Variants in PRSS36 observed in about 807,000 individuals in gnomAD.
The protein encoded by PRSS36 is serine protease 36.
PRSS36 carries 90 observed loss-of-function variants against 94.3 expected under a neutral mutation model. That is an observed-to-expected ratio of 0.95 (90% confidence interval 0.80 to 1.14). The LOEUF is 1.14. Ranked by LOEUF, PRSS36 falls within the 50% of genes most tolerant of loss-of-function variation. The probability of loss-of-function intolerance (pLI) is 0.00; values close to 1 mark genes in which losing one functional copy is unlikely to be tolerated. For missense variants in PRSS36, 1,158 were observed against 1,135.0 expected (o/e 1.02, Z -0.29); for synonymous variants, 500 against 489.6 (o/e 1.02, Z -0.28).
Position 31,143,836 on chromosome 16 carries a change from C to G in PRSS36, c.722G>C (p.Gly241Ala). 6.2e-7 allele frequency: 1 copy of G among 1,613,234 alleles called. No individual in the cohort carries two copies. Among genetic ancestry groups the G allele is most frequent in the South Asian group, 1.1e-5 (1 of 91,092 alleles). ...ACAGACCAGGGGCCCCCCAGAGTCA[C>G]CCTAGTGGCAGATGACTGCATGTCA... The part of the protein sequence containing the change: ...YPEGRRDTCQ[G>A]DSGGPLVCEE... Residue 241 changes from glycine (G) to alanine (A), a missense_variant and splice_region_variant, in exon 7 of 15, where the codon GGT becomes GCT. Gly to Ala is a moderately conservative substitution (Grantham distance 60). Coordinates refer to ENST00000268281, the MANE Select transcript of PRSS36 (RefSeq NM_173502.5).
At chr16:31,146,952 A>G (rs1196604302) in intron 5 of PRSS36, among the ~76,000 whole-genome samples, 1 of 152,210 alleles carries the variant, frequency 6.6e-6, no homozygotes, top group Non-Finnish European at 1.5e-5. Flanking sequence ...GTTGCACTCC[A>G]GCCTGGGCAA....
rs780465705 is a variant in PRSS36 at position 31,141,491 on chromosome 16, C to T, written c.1879G>A (p.Ala627Thr). Residue 627 changes from alanine (A) to threonine (T), a missense_variant, in exon 12 of 15, where the codon GCA becomes ACA. Coordinates refer to ENST00000268281, the MANE Select transcript of PRSS36 (RefSeq NM_173502.5). The stretch of plus-strand genomic sequence containing the variant: ...CACCTGAGGACACAGTGAGTGGCTG[C>T]CAGGACCCAGCCTGGGGCCAGGAGG... Reference protein sequence around the residue: ...GILLAPGWVLAATHCVLRPGS... With the variant: ...GILLAPGWVLTATHCVLRPGS... The T allele has an allele frequency of 6.2e-7, 1 of 1,612,338 alleles. No individual in the cohort carries two copies.
intron 5 of PRSS36, among the ~76,000 whole-genome samples, chr16:31,147,596 G>A (rs1175175840): frequency 6.6e-6 from 1 of 152,126 alleles, no homozygotes; most frequent in Non-Finnish European, 1.5e-5. Flanking sequence ...AACATAATGC[G>A]TGCTTATTTA....
intron 5 of PRSS36, among the ~76,000 whole-genome samples, chr16:31,147,324 C>G (rs1463459109): frequency 2.0e-5 from 3 of 152,266 alleles, no homozygotes; most frequent in Non-Finnish European, 4.4e-5. Context: ...TCTCTGGGTG[C>G]CCATTGTTAG....
chr16:31,149,710 G>A lies in PRSS36; in HGVS notation c.59C>T (p.Ala20Val). The A allele has an allele frequency of 6.2e-7, 1 of 1,614,174 alleles. No individual in the cohort carries two copies. The highest frequency in any genetic ancestry group is 2.2e-5 in the East Asian group (1 of 44,890). Residue 20 changes from alanine (A) to valine (V), a missense_variant, in exon 2 of 15, where the codon GCC (alanine) becomes GTC (valine). By Grantham distance (64) the Ala-to-Val change is moderately conservative (BLOSUM62 0). Transcript: ENST00000268281. The stretch of plus-strand genomic sequence containing the variant: ...GGCTACCTTACCTGAGTCCTGGAAG[G>A]CTCCTGGGATGGGACTGATGACTGG... ...VMLVISPIPG[A>V]FQDSALSPTQ...
In PRSS36 at chr16:31,142,507, C is replaced by T; in HGVS notation, c.1495G>A (p.Glu499Lys). 1 of 1,496,506 alleles carries T rather than the reference C, an allele frequency of 6.7e-7. No individual in the cohort carries two copies. The allele number at this position is 1,496,506 out of a possible 1,614,324, so 92.7% of individuals were successfully genotyped here. ...PPHALCPAYQ[E>K]KEEVGSCWND... ...CAGCAGCTGCCCACCTCCTCCTTTT[C>T]CTGGTAGGCAGGGCAGAGCGCGTGC... Residue 499 changes from glutamate (E) to lysine (K), a missense_variant, in exon 10 of 15, where the codon GAA becomes AAA. Glu to Lys is a moderately conservative substitution (Grantham distance 56). Coordinates refer to ENST00000268281, the MANE Select transcript of PRSS36 (RefSeq NM_173502.5).
chr16:31,148,553 C>T lies in PRSS36; in HGVS notation c.395G>A (p.Ser132Asn). The change falls in exon 5 of 15, where the codon AGC (serine) becomes AAC (asparagine). Residue 132 changes from serine to asparagine, a missense_variant. Physicochemically the swap from Ser to Asn is conservative, Grantham distance 46. Transcript: ENST00000268281. ...VAAIVVPANY[S>N]QVELGADLAL... ...CAGGTCGGCGCCCAGCTCCACTTGG[C>T]TGTAGTTGGCCGGCACCACGATGGC... 6.2e-7 allele frequency: 1 copy of T among 1,607,010 alleles called. No individual in the cohort carries two copies.
rs771423246 is a variant in PRSS36, at chr16:31,148,439, C to T, written c.509G>A (p.Gly170Asp). 2 of 1,573,546 alleles carry T rather than the reference C, an allele frequency of 1.3e-6. No homozygotes were observed. The highest frequency in any genetic ancestry group is 1.7e-6 in the Non-Finnish European group (2 of 1,167,540). The stretch of plus-strand genomic sequence containing the variant: ...CCAGCCGGTGGCCCAGCAGGCGGTG[C>T]CGTGCACGAAGCGGTGTGAGGCGCG... ...LPRASHRFVH[G>D]TACWATGWGD... Residue 170 changes from glycine to aspartate, a missense_variant, in exon 5 of 15, where the codon GGC (glycine) becomes GAC (aspartate). Gly to Asp is a moderately conservative substitution (Grantham distance 94, BLOSUM62 -1). Coordinates refer to ENST00000268281, the MANE Select transcript of PRSS36 (RefSeq NM_173502.5).
At chr16:31,146,736 T>C (rs1354537139) in intron 5 of PRSS36, among the ~76,000 whole-genome samples, 1 of 152,068 alleles carries the variant, frequency 6.6e-6, no homozygotes, top group East Asian at 1.9e-4. Flanking sequence ...TTCCAGCACT[T>C]TGGGAGGCCG....
rs550196276 is a variant in PRSS36, at chr16:31,145,233, C to G, written c.720+556G>C. On this transcript the variant is annotated intron_variant, in intron 6 of 14. Transcript: ENST00000268281. ...AAATACAAAAAAAAAATTAGCTGGG[C>G]GTCGTGGCGGGCATCTGTGGTCCTA... Among the ~76,000 whole-genome samples, 401 of 151,132 alleles carry G rather than the reference C, an allele frequency of 2.7e-3. 4 individuals carry two copies. Among genetic ancestry groups the G allele is most frequent in the Non-Finnish European group, 2.3e-3 (154 of 67,814 alleles).
intron 5 of PRSS36, 90 bp downstream of exon 5, chr16:31,148,305 G>T: frequency 7.3e-7 from 1 of 1,370,362 alleles, no homozygotes; most frequent in Non-Finnish European, 9.6e-7. Context: ...TCCGCTCCGT[G>T]GCCCCACCTC....
Position 31,143,742 on chromosome 16 carries a change from G to A in PRSS36, c.816C>T (p.Arg272=), listed in dbSNP as rs188033913. 1.1e-4 allele frequency: 177 copies of A among 1,614,130 alleles called. No individual in the cohort carries two copies. In the African/African-American group the frequency reaches 1.5e-3, roughly 13 times the overall value. ...TAGCCACAGCAGTGAAAACTCCAGG[G>A]CGGTTTCTCCGTCCACAGCCAAAGC... The part of the protein sequence containing the change: ...SFGFGCGRRN[R]PGVFTAVATY... Residue 272 remains arginine, a synonymous_variant, in exon 7 of 15, where the codon CGC becomes CGT. Transcript: ENST00000268281.
At chr16:31,143,040 G>T (rs1337689403) in intron 8 of PRSS36, 47 bp from the exon 9 acceptor site, 2 of 1,374,648 alleles carry the variant, frequency 1.5e-6, no homozygotes, top group Non-Finnish European at 9.4e-7. Flanking sequence ...CGCACACGTG[G>T]CTGGAAACCT....
At position 31,140,748 on chromosome 16, in the gene PRSS36, A is replaced by G; in HGVS notation, c.1911T>C (p.Ser637=). 8 of 1,613,976 alleles carry G rather than the reference A, an allele frequency of 5.0e-6. No individual in the cohort carries two copies. The highest frequency in any genetic ancestry group is 6.8e-6 in the Non-Finnish European group (8 of 1,179,934). Residue 637 remains serine, a synonymous_variant, in exon 13 of 15, where the codon TCT becomes TCC. Transcript: ENST00000268281. The part of the protein sequence containing the change: ...AATHCVLRPG[S]TTVPYIEVYL... Reference sequence around the variant, plus strand: ...ACACTTCAATGTAAGGCACTGTTGTAGAGCCTGGCCTGTTGGAACAAGGTC... The same window carrying G: ...ACACTTCAATGTAAGGCACTGTTGTGGAGCCTGGCCTGTTGGAACAAGGTC...
Position 31,148,640 on chromosome 16 carries a change from A to G in PRSS36, c.308T>C (p.Val103Ala). 6.2e-7 allele frequency: 1 copy of G among 1,612,502 alleles called. No homozygotes were observed. The highest frequency in any genetic ancestry group is 1.1e-5 in the South Asian group (1 of 91,036). The change falls in exon 5 of 15, where the codon GTA becomes GCA. Residue 103 changes from valine to alanine, a missense_variant. By Grantham distance (64) the Val-to-Ala change is moderately conservative. Transcript: ENST00000268281. ...GTLEPAAEWS[V>A]LLGVHSQDGP... The stretch of plus-strand genomic sequence containing the variant: ...GTCCTGGGAGTGCACGCCCAGCAGT[A>G]CCGACCACTCGGCCGCGGGCTCCAG...
In PRSS36 at chr16:31,141,521, C is replaced by CA; in HGVS notation, c.1848dup (p.Gly617TrpfsTer28). On this transcript the variant is annotated frameshift_variant, in exon 12 of 15. Transcript: ENST00000268281. LOFTEE classifies it high-confidence loss of function. ...ACCCAGCCTGGGGCCAGGAGGATCC[C>CA]AGTGCAGACTCGATCACCAGCCACA... is the stretch of plus-strand genomic sequence containing the variant. 1 of 1,613,146 alleles carries CA rather than the reference C, an allele frequency of 6.2e-7. No homozygotes were observed. The highest frequency in any genetic ancestry group is 8.5e-7 in the Non-Finnish European group (1 of 1,179,990).
intron 1 of PRSS36, 128 bp downstream of exon 1, chr16:31,149,871 C>A: frequency 6.6e-7 from 1 of 1,517,440 alleles, no homozygotes; most frequent in Non-Finnish European, 9.1e-7. Flanking sequence ...TACATCCTCG[C>A]CTTCTGCTGC....
Position 31,141,950 on chromosome 16 carries a change from C to A in PRSS36, c.1532G>T (p.Arg511Leu). Residue 511 changes from arginine to leucine, a missense_variant, in exon 11 of 15, where the codon CGT becomes CTT. Arg to Leu is a moderately radical substitution (Grantham distance 102). Transcript: ENST00000268281. Reference protein sequence around the residue: ...EEVGSCWNDSRWSLLCQEEGT... With the variant: ...EEVGSCWNDSLWSLLCQEEGT... ...CTCCTCCTGGCACAAAAGGCTCCAA[C>A]GCGAGTCATTCTGCAGCAACAAAGT... The A allele has an allele frequency of 3.7e-6, 6 of 1,614,102 alleles. No individual in the cohort carries two copies. The South Asian group carries it at 5.5e-5, about 15-fold the overall frequency.
chr16:31,143,239 CCG>C, intron 8 of PRSS36, 101 bp downstream of exon 8: 1 of 1,495,734 alleles, frequency 6.7e-7, no homozygotes, highest in Non-Finnish European at 8.9e-7. Context: ...GAATGGGACC[CCG>C]CCCCCCCCAC....
Sources: allele counts gnomAD v4.1 joint callset (sites outside exome capture counted in the v4.1 genomes callset), GRCh38; gene constraint gnomAD v4.1.1; transcripts MANE v1.5; gene names NCBI Gene and HGNC (gene_info 2026-07-23, HGNC 2026-07-21).